Variants in CSF2RA observed in about 807,000 individuals in gnomAD.
CSF2RA encodes the protein colony stimulating factor 2 receptor subunit alpha, also known as granulocyte-macrophage colony-stimulating factor receptor subunit alpha.
A neutral mutation model predicts 51.6 loss-of-function variants in CSF2RA; 42 were observed. The ratio of observed to expected loss-of-function variants is 0.81; its 90% CI spans 0.64 to 1.05. The LOEUF is 1.05. Among genes scored for constraint, CSF2RA ranks in the 50% least tolerant of loss-of-function variants. The probability of loss-of-function intolerance (pLI) is 0.00; values close to 1 mark genes in which losing one functional copy is unlikely to be tolerated. For synonymous variants in CSF2RA, 222 were observed against 193.0 expected, an observed-to-expected ratio of 1.15 and a Z score of -1.24; for missense variants, 530 against 501.1, an observed-to-expected ratio of 1.06 and a Z score of -0.55.
intron 10 of CSF2RA, among the ~76,000 whole-genome samples, chrX:1,301,533 T>C (rs1446097832): frequency 4.0e-5 from 6 of 150,542 alleles, no homozygotes; most frequent in Admixed American, 2.7e-4. Flanking sequence ...TCAGTCTTTG[T>C]CCGGTCAAAC....
intron 1 of CSF2RA, among the ~76,000 whole-genome samples, chrX:1,273,546 C>T (rs1415775397): frequency 6.6e-6 from 1 of 151,536 alleles, no homozygotes; most frequent in African/African-American, 2.4e-5. Context: ...CCAGGCTGGT[C>T]TTGAACTCCT....
At chrX:1,304,129 C>T in intron 11 of CSF2RA, 110 bp downstream of exon 11, 4 of 1,057,496 alleles carry the variant, frequency 3.8e-6, no homozygotes, top group Admixed American at 1.7e-5. Context: ...ACAGCCTTGG[C>T]CGGGCGTGTT....
At chrX:1,294,922 T>C (rs28690621) in intron 8 of CSF2RA, among the ~76,000 whole-genome samples, 102,394 of 148,462 alleles carry the variant, frequency 0.69, 34,978 homozygotes, top group Middle Eastern at 0.78. Context: ...ACAGGAGGAG[T>C]TCTTGTCCCA....
chrX:1,322,295 G>A, the CSF2RA span, among the ~76,000 whole-genome samples: 1 of 147,616 alleles, frequency 6.8e-6, no homozygotes, highest in Non-Finnish European at 1.5e-5. Flanking sequence ...TGTATTTTTA[G>A]TAGAGACGGA....
intron 9 of CSF2RA, among the ~76,000 whole-genome samples, chrX:1,296,182 A>G (rs1435408819): frequency 2.7e-5 from 4 of 149,758 alleles, no homozygotes; most frequent in African/African-American, 9.9e-5. Flanking sequence ...CACTACACCT[A>G]GTGTAACTAA....
the CSF2RA span, among the ~76,000 whole-genome samples, chrX:1,324,439 G>C: frequency 1.3e-5 from 1 of 78,862 alleles, no homozygotes; most frequent in East Asian, 5.0e-4. Context: ...AAGAGAGAGA[G>C]AAAAAAGAAA....
chrX:1,272,618 G>T (rs1292593744), intron 1 of CSF2RA, among the ~76,000 whole-genome samples: 9 of 150,746 alleles, frequency 6.0e-5, no homozygotes, highest in Non-Finnish European at 8.9e-5. Context: ...CTCCCGAGTA[G>T]CTGCGATTAC....
chrX:1,273,552 C>T (rs2088732365), intron 1 of CSF2RA, among the ~76,000 whole-genome samples: 1 of 151,662 alleles, frequency 6.6e-6, no homozygotes, highest in Non-Finnish European at 1.5e-5. Flanking sequence ...TGGTCTTGAA[C>T]TCCTGACCTC....
chrX:1,278,114 A>C (rs2089437940), intron 2 of CSF2RA, among the ~76,000 whole-genome samples: 1 of 147,798 alleles, frequency 6.8e-6, no homozygotes, highest in Non-Finnish European at 1.5e-5. Flanking sequence ...CAGGTGGATC[A>C]CCTGAGGTCA....
intron 9 of CSF2RA, among the ~76,000 whole-genome samples, chrX:1,299,173 A>G (rs1340526625): frequency 6.6e-6 from 1 of 152,026 alleles, no homozygotes; most frequent in Non-Finnish European, 1.5e-5. Flanking sequence ...TGATTTTCCC[A>G]TTTTATTCCT....
intron 2 of CSF2RA, among the ~76,000 whole-genome samples, chrX:1,280,788 A>G (rs2089817604): frequency 7.3e-6 from 1 of 136,390 alleles, no homozygotes; most frequent in South Asian, 2.3e-4. Context: ...ATAGAAGTAT[A>G]TTGACATGGA....
chrX:1,308,919 C>G (rs2083944873), intron 12 of CSF2RA, among the ~76,000 whole-genome samples: 1 of 152,190 alleles, frequency 6.6e-6, no homozygotes, highest in African/African-American at 2.4e-5. Context: ...GGATCTGTCT[C>G]AGATCTTTAC....
chrX:1,271,678 G>A (rs1437601847), intron 1 of CSF2RA, among the ~76,000 whole-genome samples: 113 of 151,814 alleles, frequency 7.4e-4, no homozygotes, highest in African/African-American at 2.2e-3. Flanking sequence ...TACCATGCCC[G>A]GCTAATTTTT....
chrX:1,290,380 G>C lies in CSF2RA; in HGVS notation c.517G>C (p.Gly173Arg). Residue 173 changes from glycine (G) to arginine (R), a missense_variant, in exon 7 of 13, where the codon GGA becomes CGA. Transcript: ENST00000381529. ...IRCPYYIQDS[G>R]THVGCHLDNL... ...GTGTCCTTATTACATACAAGACTCA[G>C]GAACCCATGTGGGATGTCACCTGGA... 2 of 1,613,782 alleles carry C rather than the reference G, an allele frequency of 1.2e-6. No individual in the cohort carries two copies. Among genetic ancestry groups the C allele is most frequent in the Non-Finnish European group, 1.7e-6 (2 of 1,179,766 alleles).
rs1466943326 is a variant in CSF2RA at position 1,288,351 on chromosome X, G to A, written c.220-168G>A. ...ACACAAATTAGCAGGGTGTGGTGGC[G>A]GGTGTCTGTAATCCGAGCTACTCGG... is the stretch of plus-strand genomic sequence containing the variant. On this transcript the variant is annotated intron_variant, in intron 4 of 12. Coordinates refer to ENST00000381529, the MANE Select transcript of CSF2RA (RefSeq NM_172245.4). Among the ~76,000 whole-genome samples, 32 of 134,184 alleles carry A rather than the reference G, an allele frequency of 2.4e-4. 4 individuals are homozygous for A. Among genetic ancestry groups the A allele is most frequent in the Admixed American group, 4.8e-4 (6 of 12,420 alleles). The allele number at this position is 134,184 out of a possible 152,430, so 88.0% of individuals were successfully genotyped here. A position where few individuals can be genotyped will look rare whatever the true frequency, so the allele number is the denominator to read the frequency against.
At chrX:1,290,549 G>A (rs1248485785) in intron 7 of CSF2RA, 40 bp downstream of exon 7, 3 of 1,592,420 alleles carry the variant, frequency 1.9e-6, no homozygotes, top group Non-Finnish European at 2.6e-6. Flanking sequence ...GTTTATAGGT[G>A]AAATGGAATT....
At chrX:1,302,238 G>A (rs1212880929) in intron 10 of CSF2RA, among the ~76,000 whole-genome samples, 2 of 152,132 alleles carry the variant, frequency 1.3e-5, no homozygotes, top group African/African-American at 4.8e-5. Flanking sequence ...TTCAAAGCCA[G>A]GTCTCGGCTG....
At chrX:1,280,928 TCTCCTCCTCCTCCTCCTG>T (rs2089882232) in intron 2 of CSF2RA, among the ~76,000 whole-genome samples, 1 of 19,788 alleles carries the variant, frequency 5.1e-5, no homozygotes, top group Non-Finnish European at 9.4e-5. Flanking sequence ...TCCTCCTCCT[TCTCCTCCTCCTCCTCCTG>T]CTTCTCCTCC....
At chrX:1,272,798 T>C (rs1182644921) in intron 1 of CSF2RA, among the ~76,000 whole-genome samples, 1 of 118,306 alleles carries the variant, frequency 8.5e-6, no homozygotes, top group Non-Finnish European at 1.7e-5. Flanking sequence ...GCTTCTTCTT[T>C]TTCTTTTTTT....
Sources: allele counts gnomAD v4.1 joint callset (sites outside exome capture counted in the v4.1 genomes callset), GRCh38; gene constraint gnomAD v4.1.1; transcripts MANE v1.5; gene names NCBI Gene and HGNC (gene_info 2026-07-23, HGNC 2026-07-21).